PARD6B: variants seen among roughly 807,000 people sequenced by gnomAD.
PARD6B encodes par-6 family cell polarity regulator beta.
In PARD6B, 4 loss-of-function variants were observed where a neutral mutation model predicts 10.5. That is an observed-to-expected ratio of 0.38 (90% CI 0.19 to 0.87). The LOEUF (loss-of-function observed/expected upper bound fraction) is 0.87. Among genes scored for constraint, PARD6B ranks in the 40% least tolerant of loss-of-function variants. The probability of loss-of-function intolerance (pLI) is 0.41; values close to 1 mark genes in which losing one functional copy is unlikely to be tolerated. For missense variants in PARD6B, 396 were observed against 470.6 expected (o/e 0.84, Z 1.47); for synonymous variants, 169 against 170.4 (o/e 0.99, Z 0.07).
intron 2 of PARD6B, among the ~76,000 whole-genome samples, chr20:50,748,283 GC>G (rs2087580376): frequency 6.6e-6 from 1 of 152,244 alleles, no homozygotes; most frequent in African/African-American, 2.4e-5. Flanking sequence ...GGCGGGGGTG[GC>G]AGTGAGCTGA....
intron 2 of PARD6B, among the ~76,000 whole-genome samples, chr20:50,748,644 A>G (rs959189889): frequency 2.0e-5 from 3 of 152,034 alleles, no homozygotes; most frequent in African/African-American, 4.8e-5. Flanking sequence ...CTCCCATCTC[A>G]GCCTCCCAAG....
At chr20:50,741,521 T>A (rs2123702849) in intron 2 of PARD6B, among the ~76,000 whole-genome samples, 1 of 152,260 alleles carries the variant, frequency 6.6e-6, no homozygotes, top group East Asian at 1.9e-4. Context: ...CATCTAAATC[T>A]GGCAGACTTA....
At chr20:50,740,205 A>G (rs2087523782) in intron 2 of PARD6B, among the ~76,000 whole-genome samples, 1 of 152,230 alleles carries the variant, frequency 6.6e-6, no homozygotes, top group Non-Finnish European at 1.5e-5. Context: ...CATAAAGGCT[A>G]TCTGAGATGA....
At chr20:50,742,028 G>T (rs2087533440) in intron 2 of PARD6B, among the ~76,000 whole-genome samples, 1 of 152,068 alleles carries the variant, frequency 6.6e-6, no homozygotes, top group Admixed American at 6.6e-5. Flanking sequence ...GCATCAGTAA[G>T]GCAGAAGTTA....
intron 1 of PARD6B, among the ~76,000 whole-genome samples, chr20:50,736,928 G>A (rs527940336): frequency 1.3e-5 from 2 of 152,256 alleles, no homozygotes; most frequent in East Asian, 3.9e-4. Flanking sequence ...TTGAACTCCT[G>A]ACCTTGTGAT....
At chr20:50,737,727 C>T (rs1055622423) in intron 1 of PARD6B, 130 bp from the exon 2 acceptor site, 1 of 651,326 alleles carries the variant, frequency 1.5e-6, no homozygotes, top group African/African-American at 1.9e-5. Flanking sequence ...TAAGGTTCTT[C>T]ACAATAGACA....
In PARD6B at chr20:50,737,807, C is replaced by T. The variant is rs768818074; in HGVS notation, c.67-50C>T. 5.0e-6 allele frequency: 6 copies of T among 1,209,526 alleles called. No individual in the cohort carries two copies. In the East Asian group the frequency reaches 1.1e-4, roughly 22 times the overall value. 74.9% of individuals were successfully genotyped at this position (1,209,526 alleles called of 1,614,324 possible). A position where few individuals can be genotyped will look rare whatever the true frequency, so the allele number is the denominator to read the frequency against. On this transcript the variant is annotated intron_variant, in intron 1 of 2. Coordinates refer to ENST00000371610, the MANE Select transcript of PARD6B (RefSeq NM_032521.3). ...TATGGCATGCATTTTCAAATTGGGT[C>T]CTTTTACTTTTTTTTTTTTTTTTAA...
intron 1 of PARD6B, 82 bp downstream of exon 1, chr20:50,731,934 G>C: frequency 8.2e-7 from 1 of 1,220,736 alleles, no homozygotes; most frequent in Non-Finnish European, 1.0e-6. Context: ...CGGAGCGCCG[G>C]GGGAGGCGAC....
In PARD6B at chr20:50,752,347, T is replaced by C; in HGVS notation, c.*1859T>C. On this transcript the variant is annotated 3_prime_UTR_variant, in exon 3 of 3. Transcript: ENST00000371610. ...TTTTTATGCCAAAAAAAAAAAAAAT[T>C]GGGTTTTCCTTCATGGGATTTCTAG... is the stretch of plus-strand genomic sequence containing the variant. The C allele has an allele frequency of 3.1e-6, 3 of 983,504 alleles. No individual in the cohort carries two copies. Among genetic ancestry groups the C allele is most frequent in the Non-Finnish European group, 3.6e-6 (3 of 828,792 alleles). The allele number at this position is 983,504 out of a possible 1,614,324, so 60.9% of individuals were successfully genotyped here.
At chr20:50,735,760 G>T (rs1306676020) in intron 1 of PARD6B, among the ~76,000 whole-genome samples, 3 of 152,108 alleles carry the variant, frequency 2.0e-5, no homozygotes, top group Non-Finnish European at 4.4e-5. Context: ...TTAAGCAAGA[G>T]AAAATATTGA....
chr20:50,734,737 T>C (rs1017036051), intron 1 of PARD6B, among the ~76,000 whole-genome samples: 3 of 151,998 alleles, frequency 2.0e-5, no homozygotes, highest in Non-Finnish European at 2.9e-5. Context: ...GTCATGTTGG[T>C]CTCTAACTCC....
intron 2 of PARD6B, 76 bp from the exon 3 acceptor site, chr20:50,749,583 T>C: frequency 8.0e-7 from 1 of 1,256,030 alleles, no homozygotes; most frequent in Non-Finnish European, 1.1e-6. Flanking sequence ...AGTTATCCTT[T>C]CTGTACAGAT....
At chr20:50,744,465 C>G (rs888628419) in intron 2 of PARD6B, among the ~76,000 whole-genome samples, 3 of 152,124 alleles carry the variant, frequency 2.0e-5, no homozygotes, top group Non-Finnish European at 4.4e-5. Context: ...CAGCCTGCAG[C>G]CGGAGTGAGC....
intron 2 of PARD6B, among the ~76,000 whole-genome samples, chr20:50,745,916 C>T (rs1378346823): frequency 1.3e-5 from 2 of 152,154 alleles, no homozygotes; most frequent in Non-Finnish European, 2.9e-5. Flanking sequence ...TTGTCAACCC[C>T]TGGATTAGAA....
Position 50,753,109 on chromosome 20 carries a change from TG to T in PARD6B, c.*2626del. On this transcript the variant is annotated 3_prime_UTR_variant, in exon 3 of 3. Transcript: ENST00000371610. ...TTTAAAGTTTTAACATCAGAACTTT[TG>T]GGGGAAAAACTACTTCAGGGCTTGA... 2 of 984,790 alleles carry T rather than the reference TG, an allele frequency of 2.0e-6. No homozygotes were observed. Among genetic ancestry groups the T allele is most frequent in the Non-Finnish European group, 2.4e-6 (2 of 829,062 alleles). 61.0% of individuals were successfully genotyped at this position (984,790 alleles called of 1,614,324 possible).
rs952817466 is a variant in PARD6B at position 50,749,825 on chromosome 20, A to G, written c.456A>G (p.Pro152=). The G allele has an allele frequency of 8.7e-6, 14 of 1,614,106 alleles. No homozygotes were observed. Among genetic ancestry groups the G allele is most frequent in the Non-Finnish European group, 1.2e-5 (14 of 1,180,056 alleles). ...CTATTATAGACGTGGATATTCTCCC[A>G]GAAACGCATCGTAGGGTACGTCTTT... ...VSSIIDVDIL[P]ETHRRVRLYK... is the part of the protein sequence containing the mutation. The change falls in exon 3 of 3, where the codon CCA becomes CCG. Residue 152 remains proline (P), a synonymous_variant. Coordinates refer to ENST00000371610, the MANE Select transcript of PARD6B (RefSeq NM_032521.3).
intron 1 of PARD6B, among the ~76,000 whole-genome samples, chr20:50,733,958 G>A (rs546365946): frequency 3.9e-4 from 60 of 152,240 alleles, no homozygotes; most frequent in Non-Finnish European, 6.6e-4. Flanking sequence ...CAACTGATTT[G>A]TGAATCTTTC....
chr20:50,744,045 T>G (rs2087547211), intron 2 of PARD6B, among the ~76,000 whole-genome samples: 1 of 149,016 alleles, frequency 6.7e-6, no homozygotes, highest in Non-Finnish European at 1.5e-5. Context: ...CAGATTTGTC[T>G]CCCCATTTCC....
At chr20:50,740,054 T>C (rs1221839887) in intron 2 of PARD6B, among the ~76,000 whole-genome samples, 1 of 150,082 alleles carries the variant, frequency 6.7e-6, no homozygotes, top group Non-Finnish European at 1.5e-5. Context: ...AAGAAAATTA[T>C]GAATTTTGTC....
Sources: gnomAD v4.1 joint callset for allele counts (sites outside exome capture counted in the v4.1 genomes callset) on GRCh38, gnomAD v4.1.1 for gene constraint, MANE v1.5 for transcripts, NCBI Gene and HGNC (gene_info 2026-07-23, HGNC 2026-07-21) for gene names.